The following EXT2 variants were observed in gnomAD, a reference collection of about 807,000 sequenced individuals.
EXT2 encodes the protein exostosin glycosyltransferase 2.
In EXT2, 53 loss-of-function variants were observed where a neutral mutation model predicts 81.6. The ratio of observed to expected loss-of-function variants is 0.65; its 90% CI spans 0.52 to 0.82. The LOEUF is 0.82. Ranked by LOEUF, EXT2 falls within the 40% of genes least tolerant of loss-of-function variation. The probability of loss-of-function intolerance (pLI) is 0.00; values close to 1 mark genes in which losing one functional copy is unlikely to be tolerated. For missense variants in EXT2, 774 were observed against 910.2 expected, an observed-to-expected ratio of 0.85 and a Z score of 1.93; for synonymous variants, 320 against 340.0, an observed-to-expected ratio of 0.94 and a Z score of 0.65.
In EXT2 at chr11:44,246,624, T is replaced by C. The variant is rs528708368; in HGVS notation, c.*2337T>C. Reference sequence around the variant, plus strand: ...AGAAGGAGCATTATATCCTAGGCACTTGAAACAACCTCAAAGGTGATGTTA... The same window carrying C: ...AGAAGGAGCATTATATCCTAGGCACCTGAAACAACCTCAAAGGTGATGTTA... On this transcript the variant is annotated 3_prime_UTR_variant, in exon 14 of 14. Transcript: ENST00000533608. 6.6e-6 allele frequency among the ~76,000 whole-genome samples: 1 copy of C among 152,334 alleles called. No individual in the cohort carries two copies. Among genetic ancestry groups the C allele is most frequent in the African/African-American group, 2.4e-5 (1 of 41,570 alleles).
At chr11:44,168,331 A>G (rs1955024063) in intron 7 of EXT2, among the ~76,000 whole-genome samples, 1 of 152,206 alleles carries the variant, frequency 6.6e-6, no homozygotes, top group Non-Finnish European at 1.5e-5. Flanking sequence ...AAAAGAGAAT[A>G]AGAGATACAT....
At chr11:44,099,095 G>A (rs532539554) in intron 1 of EXT2, among the ~76,000 whole-genome samples, 2 of 152,134 alleles carry the variant, frequency 1.3e-5, no homozygotes, top group African/African-American at 4.8e-5. Context: ...TCAACCTCCC[G>A]GGTTCAAGAA....
intron 11 of EXT2, 31 bp from the exon 12 acceptor site, chr11:44,234,084 G>C (rs929860042): frequency 6.2e-7 from 1 of 1,613,572 alleles, no homozygotes; most frequent in Non-Finnish European, 8.5e-7. Context: ...TGCTATTTTT[G>C]AATATTTCTT....
chr11:44,236,419 C>CT (rs1291667254), intron 13 of EXT2, 44 bp downstream of exon 13: 1 of 1,573,690 alleles, frequency 6.4e-7, no homozygotes, highest in Non-Finnish European at 8.7e-7. Context: ...CCTCTGATCT[C>CT]TATTTCCTGC....
At chr11:44,109,356 A>T (rs1954110078) in intron 3 of EXT2, 73 bp downstream of exon 3, 3 of 1,214,462 alleles carry the variant, frequency 2.5e-6, no homozygotes, top group Non-Finnish European at 3.7e-6. Flanking sequence ...TATATTCCTA[A>T]ATCTACCACA....
At chr11:44,138,813 G>A (rs950795378) in intron 7 of EXT2, among the ~76,000 whole-genome samples, 9 of 152,134 alleles carry the variant, frequency 5.9e-5, no homozygotes, top group African/African-American at 1.9e-4. Flanking sequence ...TACCTATAAC[G>A]TGGAGCTAAT....
intron 1 of EXT2, 135 bp from the exon 2 acceptor site, chr11:44,107,548 C>T (rs1020704023): frequency 6.3e-6 from 5 of 789,918 alleles, no homozygotes; most frequent in African/African-American, 1.8e-5. Flanking sequence ...TGCACCACTG[C>T]ACTCCAGCCT....
In EXT2 at chr11:44,196,601, G is replaced by T. The variant is rs190993039; in HGVS notation, c.1306-1228G>T. Among the ~76,000 whole-genome samples, 633 of 152,196 alleles carry T rather than the reference G, an allele frequency of 4.2e-3. 4 individuals are homozygous for T. Among genetic ancestry groups the T allele is most frequent in the Non-Finnish European group, 6.0e-3 (406 of 68,006 alleles). On this transcript the variant is annotated intron_variant, in intron 8 of 13. Transcript: ENST00000533608. ...TGACCTTTTTTCCCCCGACTGACAG[G>T]ACCAACCAGGTAGCAATCCTGCCCT...
At chr11:44,096,543 G>C (rs1953900856) in intron 1 of EXT2, among the ~76,000 whole-genome samples, 1 of 151,344 alleles carries the variant, frequency 6.6e-6, no homozygotes, top group Non-Finnish European at 1.5e-5. Context: ...ATGTTAGACT[G>C]CGGACTAGAT....
At chr11:44,123,011 T>G (rs1954341168) in intron 4 of EXT2, among the ~76,000 whole-genome samples, 2 of 152,342 alleles carry the variant, frequency 1.3e-5, no homozygotes, top group East Asian at 1.9e-4. Flanking sequence ...CCTTTTGCTC[T>G]TAGTTAGGCC....
chr11:44,237,914 A>AC (rs1449163697), intron 13 of EXT2, among the ~76,000 whole-genome samples: 5 of 143,310 alleles, frequency 3.5e-5, no homozygotes, highest in African/African-American at 7.4e-5. Flanking sequence ...AAAAAAAAAA[A>AC]AAAAAAAAAA....
intron 8 of EXT2, among the ~76,000 whole-genome samples, chr11:44,194,509 G>A (rs931817278): frequency 1.3e-5 from 2 of 152,172 alleles, no homozygotes; most frequent in Non-Finnish European, 2.9e-5. Context: ...GCATAGGGAA[G>A]GGCTGTGAAC....
chr11:44,166,393 A>T (rs542330682), intron 7 of EXT2, among the ~76,000 whole-genome samples: 2 of 152,214 alleles, frequency 1.3e-5, no homozygotes, highest in Admixed American at 1.3e-4. Context: ...TGAATAGGGC[A>T]TATCTAAGAA....
At chr11:44,184,915 A>C (rs553379816) in intron 8 of EXT2, among the ~76,000 whole-genome samples, 17 of 152,360 alleles carry the variant, frequency 1.1e-4, no homozygotes, top group Non-Finnish European at 2.5e-4. Flanking sequence ...TGAATGGCTC[A>C]TATTTTGGTA....
intron 10 of EXT2, among the ~76,000 whole-genome samples, chr11:44,230,866 T>C (rs1004074975): frequency 1.3e-5 from 2 of 152,220 alleles, no homozygotes; most frequent in Admixed American, 1.3e-4. Flanking sequence ...CCAAACACAC[T>C]GGCTCTGCCC....
intron 7 of EXT2, among the ~76,000 whole-genome samples, chr11:44,160,111 C>A (rs1407943375): frequency 6.6e-6 from 1 of 152,212 alleles, no homozygotes; most frequent in African/African-American, 2.4e-5. Context: ...CCTGGTTGAA[C>A]AAATTCTGGT....
In EXT2 at chr11:44,114,310, C is replaced by T. The variant is rs1244659291; in HGVS notation, c.743+9C>T. ...CCAGAGAAAGGACCAGGGTAAGGTA[C>T]ATTCATCCCAGCCAGGTGTGCCTTT... On this transcript the variant is annotated intron_variant, in intron 4 of 13. Transcript: ENST00000533608. 1 of 1,607,598 alleles carries T rather than the reference C, an allele frequency of 6.2e-7. No homozygotes were observed.
At chr11:44,135,879 C>T (rs1023590361) in intron 7 of EXT2, among the ~76,000 whole-genome samples, 2 of 152,128 alleles carry the variant, frequency 1.3e-5, no homozygotes, top group African/African-American at 4.8e-5. Context: ...TCAATTTGAA[C>T]ATCAAATGTA....
At chr11:44,109,409 T>C (rs1295041388) in intron 3 of EXT2, 126 bp downstream of exon 3, 4 of 919,568 alleles carry the variant, frequency 4.3e-6, no homozygotes, top group Non-Finnish European at 6.9e-6. Flanking sequence ...AAAATTGTCA[T>C]AAGTATTTTC....
Sources: gnomAD v4.1 joint callset for allele counts (sites outside exome capture counted in the v4.1 genomes callset) on GRCh38, gnomAD v4.1.1 for gene constraint, MANE v1.5 for transcripts, NCBI Gene and HGNC (gene_info 2026-07-23, HGNC 2026-07-21) for gene names.